The following CDH13 variants were observed in gnomAD, a reference collection of about 807,000 sequenced individuals.
The protein encoded by CDH13 is cadherin 13.
Under a neutral mutation model 63.8 loss-of-function variants are expected in CDH13, and 24 were observed. The observed-to-expected ratio is 0.38, with a 90% CI of 0.27 to 0.53. CDH13 has a LOEUF of 0.53. Among genes scored for constraint, CDH13 ranks in the 20% least tolerant of loss-of-function variants. The pLI is 0.85. For synonymous variants in CDH13, 503 were observed against 355.3 expected (o/e 1.42, Z -4.67); for missense variants, 1,049 against 903.1 (o/e 1.16, Z -2.07).
chr16:83,292,408 G>T (rs561671690), intron 5 of CDH13, among the ~76,000 whole-genome samples: 5 of 152,162 alleles, frequency 3.3e-5, no homozygotes, highest in Non-Finnish European at 7.4e-5. Flanking sequence ...ATGGCTTTTT[G>T]GTACCTCTGC....
At chr16:83,079,142 T>C (rs536680851) in intron 3 of CDH13, among the ~76,000 whole-genome samples, 1 of 152,270 alleles carries the variant, frequency 6.6e-6, no homozygotes, top group South Asian at 2.1e-4. Context: ...CCCAGGTAGT[T>C]GTTTATTATA....
intron 1 of CDH13, among the ~76,000 whole-genome samples, chr16:82,698,006 G>A (rs377284934): frequency 7.9e-5 from 12 of 152,070 alleles, no homozygotes; most frequent in East Asian, 5.8e-4. Context: ...ATGTTCCAGC[G>A]CAGTGATTGG....
chr16:83,156,399 T>C (rs1405836394), intron 4 of CDH13, among the ~76,000 whole-genome samples: 3 of 152,134 alleles, frequency 2.0e-5, no homozygotes, highest in South Asian at 4.1e-4. Flanking sequence ...AGTCTAATCC[T>C]AGCATTGTGC....
chr16:83,240,296 G>C (rs966803675), intron 5 of CDH13, among the ~76,000 whole-genome samples: 1 of 152,074 alleles, frequency 6.6e-6, no homozygotes, highest in Non-Finnish European at 1.5e-5. Flanking sequence ...GATCACTCAG[G>C]GCCTTGGAAA....
intron 2 of CDH13, among the ~76,000 whole-genome samples, chr16:82,913,248 C>T (rs1311581161): frequency 6.6e-6 from 1 of 152,082 alleles, no homozygotes; most frequent in Non-Finnish European, 1.5e-5. Context: ...GGGCAGGTAG[C>T]AGGTCTGAAG....
chr16:83,663,242 G>A (rs1913604914), intron 8 of CDH13, among the ~76,000 whole-genome samples: 1 of 152,182 alleles, frequency 6.6e-6, no homozygotes, highest in Non-Finnish European at 1.5e-5. Flanking sequence ...GATACAAAAT[G>A]ACTCCCTAGT....
rs147737049 is a variant in CDH13 at position 83,584,558 on chromosome 16, T to G, written c.961-17896T>G. Among the ~76,000 whole-genome samples the G allele has an allele frequency of 7.1e-3, 1,087 of 152,210 alleles. 15 individuals are homozygous for G. Among genetic ancestry groups the G allele is most frequent in the African/African-American group, 0.025 (1,039 of 41,518 alleles). On this transcript the variant is annotated intron_variant, in intron 7 of 13. Coordinates refer to ENST00000567109, the MANE Select transcript of CDH13 (RefSeq NM_001257.5). ...ACAGCAGGACTTGGCTGCGTCTGAATGTAGAGAATTGCATTCTGGGCAAAG... is the reference window on the plus strand; with the variant it reads ...ACAGCAGGACTTGGCTGCGTCTGAAGGTAGAGAATTGCATTCTGGGCAAAG...
At chr16:82,659,041 G>A (rs1026126311) in intron 1 of CDH13, among the ~76,000 whole-genome samples, 1 of 152,190 alleles carries the variant, frequency 6.6e-6, no homozygotes, top group African/African-American at 2.4e-5. Context: ...CAAAAGCTGT[G>A]AGCAGGGAGG....
chr16:82,737,220 A>T (rs1057238428), intron 1 of CDH13, among the ~76,000 whole-genome samples: 2 of 152,218 alleles, frequency 1.3e-5, no homozygotes, highest in Non-Finnish European at 2.9e-5. Context: ...CATTCTGACT[A>T]ATTTTATTTA....
intron 10 of CDH13, among the ~76,000 whole-genome samples, chr16:83,703,784 G>A (rs1356133532): frequency 6.6e-6 from 1 of 152,144 alleles, no homozygotes; most frequent in African/African-American, 2.4e-5. Flanking sequence ...GAGGTACTAT[G>A]TTTCTTTTCT....
At chr16:83,088,447 C>T (rs1044234978) in intron 3 of CDH13, among the ~76,000 whole-genome samples, 5 of 152,090 alleles carry the variant, frequency 3.3e-5, no homozygotes, top group Non-Finnish European at 7.4e-5. Context: ...GACAGTTGCC[C>T]ACCGAACCAC....
rs555218042 is a variant in CDH13, at chr16:83,321,905, G to A, written c.637-22957G>A. Among the ~76,000 whole-genome samples the A allele has an allele frequency of 2.0e-5, 3 of 152,264 alleles. No homozygotes were observed. In the East Asian group the frequency reaches 5.8e-4, roughly 30 times the overall value. On this transcript the variant is annotated intron_variant, in intron 5 of 13. Coordinates refer to ENST00000567109, the MANE Select transcript of CDH13 (RefSeq NM_001257.5). ...TTTTAAACATGTGAGGACAAATTCT[G>A]TGTGACTATCTTGGGGCCAGATTCA...
intron 5 of CDH13, among the ~76,000 whole-genome samples, chr16:83,312,489 C>T (rs762529701): frequency 3.3e-5 from 5 of 152,204 alleles, no homozygotes; most frequent in Non-Finnish European, 7.3e-5. Context: ...ACCTTCAATT[C>T]ATGTGCCCTT....
chr16:83,633,617 G>T (rs893266736), intron 8 of CDH13, among the ~76,000 whole-genome samples: 1 of 152,166 alleles, frequency 6.6e-6, no homozygotes, highest in Admixed American at 6.5e-5. Context: ...CTTACTCGGA[G>T]AGAAAATGGT....
chr16:83,494,875 G>T (rs987826185), intron 7 of CDH13, among the ~76,000 whole-genome samples: 3 of 152,118 alleles, frequency 2.0e-5, no homozygotes, highest in African/African-American at 4.8e-5. Context: ...ACACTTTGGG[G>T]TTCTAAAAGC....
chr16:83,773,215 C>G (rs935690725), intron 11 of CDH13, among the ~76,000 whole-genome samples: 3 of 152,170 alleles, frequency 2.0e-5, no homozygotes, highest in African/African-American at 4.8e-5. Flanking sequence ...AGATTTACAT[C>G]TCACAGGGAC....
At chr16:83,747,853 A>G (rs1445070694) in intron 10 of CDH13, among the ~76,000 whole-genome samples, 1 of 151,532 alleles carries the variant, frequency 6.6e-6, no homozygotes, top group African/African-American at 2.4e-5. Context: ...AGCTTGGCAG[A>G]TGGCAAGAAC....
At chr16:82,784,187 C>T (rs942235805) in intron 1 of CDH13, among the ~76,000 whole-genome samples, 2 of 152,172 alleles carry the variant, frequency 1.3e-5, no homozygotes, top group African/African-American at 4.8e-5. Flanking sequence ...GGTGTTTCTT[C>T]TATGAAGCTG....
intron 6 of CDH13, among the ~76,000 whole-genome samples, chr16:83,346,131 C>T (rs908316545): frequency 7.9e-5 from 12 of 152,086 alleles, no homozygotes; most frequent in Non-Finnish European, 1.2e-4. Flanking sequence ...GCTTTAAATG[C>T]GCTCCGTAAA....
Sources: allele counts gnomAD v4.1 joint callset (sites outside exome capture counted in the v4.1 genomes callset), GRCh38; gene constraint gnomAD v4.1.1; transcripts MANE v1.5; gene names NCBI Gene and HGNC (gene_info 2026-07-23, HGNC 2026-07-21).